The following ECHDC1 variants were observed in gnomAD, a reference collection of about 807,000 sequenced individuals.
ECHDC1 encodes the protein ethylmalonyl-CoA decarboxylase.
A neutral mutation model predicts 29.7 loss-of-function variants in ECHDC1; 29 were observed. The ratio of observed to expected loss-of-function variants is 0.98; its 90% CI spans 0.73 to 1.33. The LOEUF (loss-of-function observed/expected upper bound fraction) is 1.33. Among genes scored for constraint, ECHDC1 ranks in the 40% most tolerant of loss-of-function variants. ECHDC1 has a pLI of 0.00. For synonymous variants in ECHDC1, 126 were observed against 123.1 expected, an observed-to-expected ratio of 1.02 and a Z score of -0.15; for missense variants, 328 against 350.0, an observed-to-expected ratio of 0.94 and a Z score of 0.50.
intron 3 of ECHDC1, among the ~76,000 whole-genome samples, chr6:127,320,762 CCTA>C (rs2114641541): frequency 6.6e-6 from 1 of 151,942 alleles, no homozygotes; most frequent in South Asian, 2.1e-4. Context: ...TTTGTGTTAT[CCTA>C]GTGGATCTCC....
chr6:127,332,524 T>C (rs1387652079), intron 1 of ECHDC1, among the ~76,000 whole-genome samples: 1 of 151,968 alleles, frequency 6.6e-6, no homozygotes, highest in Non-Finnish European at 1.5e-5. Context: ...AGATGTTCAC[T>C]GGTCTGACTG....
intron 5 of ECHDC1, among the ~76,000 whole-genome samples, chr6:127,305,332 C>A (rs1384897953): frequency 3.9e-5 from 6 of 152,074 alleles, no homozygotes; most frequent in Non-Finnish European, 7.4e-5. Context: ...TGCAAAAATA[C>A]CTTCAAACAT....
intron 3 of ECHDC1, among the ~76,000 whole-genome samples, chr6:127,321,628 A>G (rs1019725763): frequency 1.3e-5 from 2 of 152,220 alleles, no homozygotes; most frequent in African/African-American, 4.8e-5. Flanking sequence ...TTTATGCTAT[A>G]TATTTCTTAT....
rs148342778 is a variant in ECHDC1 at position 127,322,646 on chromosome 6, G to GTGTA, written c.363+4355_363+4356insTACA. 4.0e-3 allele frequency among the ~76,000 whole-genome samples: 601 copies of GTGTA among 149,298 alleles called. 3 individuals are homozygous for GTGTA. The highest frequency in any genetic ancestry group is 6.7e-3 in the Non-Finnish European group (454 of 67,306). ...GTATATATACTATATATATATGTGT[G>GTGTA]TATATATATATATACAATGATGTAT... On this transcript the variant is annotated intron_variant, in intron 3 of 5. Transcript: ENST00000454859.
intron 5 of ECHDC1, among the ~76,000 whole-genome samples, chr6:127,292,175 G>A (rs1780248743): frequency 1.3e-5 from 2 of 151,880 alleles, no homozygotes; most frequent in Admixed American, 1.3e-4. Flanking sequence ...ATGGAGTAAA[G>A]GACTATGCCA....
chr6:127,295,622 A>T (rs1489451703), intron 5 of ECHDC1, among the ~76,000 whole-genome samples: 1 of 152,258 alleles, frequency 6.6e-6, no homozygotes, highest in Non-Finnish European at 1.5e-5. Flanking sequence ...TACTCATTGT[A>T]AGAAAGGATG....
At chr6:127,331,972 C>G (rs917994359) in intron 1 of ECHDC1, 49 of 655,828 alleles carry the variant, frequency 7.5e-5, no homozygotes, top group Non-Finnish European at 8.7e-5. Flanking sequence ...GTAATCTCAT[C>G]TCTGCCCATA....
In ECHDC1 at chr6:127,332,724, A is replaced by T. The variant is rs150523661; in HGVS notation, c.-2-1694T>A. Among the ~76,000 whole-genome samples the T allele has an allele frequency of 6.5e-3, 986 of 152,262 alleles. 3 individuals carry two copies. The highest frequency in any genetic ancestry group is 0.011 in the Admixed American group (167 of 15,302). On this transcript the variant is annotated intron_variant, in intron 1 of 5. Coordinates refer to ENST00000454859, the MANE Select transcript of ECHDC1 (RefSeq NM_001002030.2). ...AGTGAATCTGCATTTTTACATAAAC[A>T]ATAGGGCAGAGGAAGTAATCAGATG...
Position 127,327,118 on chromosome 6 carries a change from T to C in ECHDC1, c.247A>G (p.Lys83Glu). The C allele has an allele frequency of 6.2e-7, 1 of 1,613,964 alleles. No individual in the cohort carries two copies. The highest frequency in any genetic ancestry group is 1.1e-5 in the South Asian group (1 of 91,058). ...SGVMMLQLLE[K>E]VIELENWTEG... ...GTCCAATTTTCCAATTCAATTACTT[T>C]TTCCAGAAGTTGTAGCATCATAACA... The change falls in exon 3 of 6, where the codon AAA (lysine) becomes GAA (glutamate). Residue 83 changes from lysine (K) to glutamate (E), a missense_variant. Coordinates refer to ENST00000454859, the MANE Select transcript of ECHDC1 (RefSeq NM_001002030.2).
At chr6:127,335,489 T>C (rs952113311) in intron 1 of ECHDC1, among the ~76,000 whole-genome samples, 1 of 152,130 alleles carries the variant, frequency 6.6e-6, no homozygotes, top group African/African-American at 2.4e-5. Flanking sequence ...AAACTTGATG[T>C]TATTTTTCCA....
intron 1 of ECHDC1, among the ~76,000 whole-genome samples, chr6:127,339,179 A>C (rs1029469625): frequency 4.0e-5 from 6 of 151,606 alleles, no homozygotes; most frequent in Non-Finnish European, 7.4e-5. Flanking sequence ...AGATATCTGA[A>C]ATTTCTTTGT....
At chr6:127,319,963 G>A (rs1447526634) in intron 3 of ECHDC1, among the ~76,000 whole-genome samples, 1 of 152,152 alleles carries the variant, frequency 6.6e-6, no homozygotes, top group African/African-American at 2.4e-5. Context: ...TTTCTTAAGT[G>A]CTTGTTGTAT....
intron 5 of ECHDC1, among the ~76,000 whole-genome samples, chr6:127,297,706 A>C (rs1391506883): frequency 6.6e-6 from 1 of 152,224 alleles, no homozygotes; most frequent in African/African-American, 2.4e-5. Flanking sequence ...CTGCAGTTAA[A>C]CAAACAAGAG....
At chr6:127,327,489 A>G (rs1248917937) in intron 2 of ECHDC1, among the ~76,000 whole-genome samples, 4 of 152,238 alleles carry the variant, frequency 2.6e-5, no homozygotes, top group Non-Finnish European at 5.9e-5. Flanking sequence ...TAGGGTAAAG[A>G]TAAGACATAG....
intron 1 of ECHDC1, chr6:127,342,444 C>T (rs1785033340): frequency 6.7e-7 from 1 of 1,482,992 alleles, no homozygotes; most frequent in Non-Finnish European, 9.1e-7. Flanking sequence ...ATACAGTCGC[C>T]TTTCAGGCCA....
intron 3 of ECHDC1, among the ~76,000 whole-genome samples, chr6:127,323,861 G>A (rs1038249000): frequency 1.3e-5 from 2 of 152,018 alleles, no homozygotes; most frequent in African/African-American, 4.8e-5. Flanking sequence ...CTGAATTCAT[G>A]AAAACAAGTT....
intron 1 of ECHDC1, among the ~76,000 whole-genome samples, chr6:127,332,674 C>T (rs1784070370): frequency 1.3e-5 from 2 of 152,092 alleles, no homozygotes; most frequent in African/African-American, 4.8e-5. Context: ...CAGCCTTCTA[C>T]TGAATACACA....
At chr6:127,339,501 G>A (rs1257758362) in intron 1 of ECHDC1, among the ~76,000 whole-genome samples, 1 of 151,778 alleles carries the variant, frequency 6.6e-6, no homozygotes, top group East Asian at 1.9e-4. Context: ...GGCCAGGTAC[G>A]GTGGCTTATG....
chr6:127,318,654 G>A (rs1782586282), intron 3 of ECHDC1, among the ~76,000 whole-genome samples: 2 of 152,192 alleles, frequency 1.3e-5, no homozygotes, highest in Non-Finnish European at 1.5e-5. Flanking sequence ...AGGGAAGGTG[G>A]CATTTGCTAG....
Sources: allele counts gnomAD v4.1 joint callset (sites outside exome capture counted in the v4.1 genomes callset), GRCh38; gene constraint gnomAD v4.1.1; transcripts MANE v1.5; gene names NCBI Gene and HGNC (gene_info 2026-07-23, HGNC 2026-07-21).